ITPR1: variants seen among roughly 807,000 people sequenced by gnomAD.
ITPR1 encodes the protein inositol 1,4,5-trisphosphate receptor type 1, also known as inositol 1,4,5-trisphosphate-gated calcium channel ITPR1.
Under a neutral mutation model 318.4 loss-of-function variants are expected in ITPR1, and 96 were observed. That is an observed-to-expected ratio of 0.30 (90% CI 0.26 to 0.36). The LOEUF is 0.36. Ranked by LOEUF, ITPR1 falls within the 10% of genes least tolerant of loss-of-function variation. The pLI is 1.00. For synonymous variants in ITPR1, 1,312 were observed against 1,289.9 expected, an observed-to-expected ratio of 1.02 and a Z score of -0.37; for missense variants, 2,440 against 3,460.2, an observed-to-expected ratio of 0.71 and a Z score of 7.40.
chr3:4,523,719 C>T (rs750346023), intron 4 of ITPR1, among the ~76,000 whole-genome samples: 3 of 152,108 alleles, frequency 2.0e-5, no homozygotes, highest in Non-Finnish European at 1.5e-5. Flanking sequence ...TAATGTCCTC[C>T]GGGTTCATTC....
At chr3:4,518,720 G>T (rs1407758725) in intron 3 of ITPR1, among the ~76,000 whole-genome samples, 1 of 152,172 alleles carries the variant, frequency 6.6e-6, no homozygotes, top group African/African-American at 2.4e-5. Context: ...GGGCAAGTGT[G>T]TGTGTGTGCA....
chr3:4,596,603 T>G (rs1473453180), intron 4 of ITPR1, among the ~76,000 whole-genome samples: 1 of 152,214 alleles, frequency 6.6e-6, no homozygotes, highest in Non-Finnish European at 1.5e-5. Context: ...GTCACCTTTT[T>G]GGTTTGAGGT....
intron 51 of ITPR1, among the ~76,000 whole-genome samples, chr3:4,786,375 T>C (rs2047198489): frequency 6.6e-6 from 1 of 152,196 alleles, no homozygotes; most frequent in Non-Finnish European, 1.5e-5. Flanking sequence ...GAACCACTGG[T>C]CTAAAGACCA....
At chr3:4,537,877 G>A (rs6783234) in intron 4 of ITPR1, among the ~76,000 whole-genome samples, 32,273 of 152,066 alleles carry the variant, frequency 0.21, 4,259 homozygotes, top group African/African-American at 0.38. Flanking sequence ...GAATACAGTA[G>A]TAATTGTCCT....
At chr3:4,526,988 A>G (rs1432048146) in intron 4 of ITPR1, among the ~76,000 whole-genome samples, 1 of 152,236 alleles carries the variant, frequency 6.6e-6, no homozygotes, top group Non-Finnish European at 1.5e-5. Context: ...AACCTGGCCT[A>G]CTGGGGAAAA....
chr3:4,633,602 A>G (rs1444992085), intron 5 of ITPR1, among the ~76,000 whole-genome samples: 2 of 152,198 alleles, frequency 1.3e-5, no homozygotes, highest in Non-Finnish European at 2.9e-5. Context: ...GATACTGTCT[A>G]TGCTTTTTCC....
chr3:4,637,610 A>C (rs2093228455), intron 5 of ITPR1, among the ~76,000 whole-genome samples: 1 of 152,218 alleles, frequency 6.6e-6, no homozygotes, highest in African/African-American at 2.4e-5. Flanking sequence ...ACTAATTCCA[A>C]AAGAGAGAGA....
At chr3:4,805,272 C>A (rs1304360769) in intron 54 of ITPR1, among the ~76,000 whole-genome samples, 1 of 152,154 alleles carries the variant, frequency 6.6e-6, no homozygotes, top group African/African-American at 2.4e-5. Flanking sequence ...GTGGTGCCTT[C>A]AGTGTTGGTA....
intron 20 of ITPR1, 60 bp from the exon 21 acceptor site, chr3:4,673,076 C>A (rs1044600424): frequency 4.5e-6 from 7 of 1,550,210 alleles, no homozygotes; most frequent in South Asian, 1.2e-5. Flanking sequence ...CCAGACGACC[C>A]TTCATTCATC....
chr3:4,554,311 G>C (rs562934276), intron 4 of ITPR1, among the ~76,000 whole-genome samples: 1 of 152,236 alleles, frequency 6.6e-6, no homozygotes, highest in Non-Finnish European at 1.5e-5. Context: ...AATGAGTACA[G>C]TGTTTGGCAC....
intron 34 of ITPR1, among the ~76,000 whole-genome samples, chr3:4,699,356 C>T (rs2094606777): frequency 8.3e-6 from 1 of 120,960 alleles, no homozygotes; most frequent in Non-Finnish European, 2.1e-5. Context: ...GACTCTATCT[C>T]AAAACAAAAA....
intron 4 of ITPR1, among the ~76,000 whole-genome samples, chr3:4,626,850 G>C (rs2092843907): frequency 1.3e-5 from 2 of 152,144 alleles, no homozygotes. Flanking sequence ...ACAGAATCTT[G>C]TTCTGCCGCC....
At chr3:4,758,542 T>A (rs2045190804) in intron 44 of ITPR1, among the ~76,000 whole-genome samples, 1 of 152,212 alleles carries the variant, frequency 6.6e-6, no homozygotes, top group African/African-American at 2.4e-5. Flanking sequence ...TCTTTTCCCC[T>A]GAACTTCCTG....
intron 2 of ITPR1, among the ~76,000 whole-genome samples, chr3:4,503,018 G>A (rs987416303): frequency 2.0e-5 from 3 of 152,048 alleles, no homozygotes; most frequent in African/African-American, 7.2e-5. Context: ...TCAGGAGGTG[G>A]AGGTTGCAGT....
At position 4,826,632 on chromosome 3, in the gene ITPR1, T is replaced by C. The variant is rs2050095455; in HGVS notation, c.8028+8390T>C. On this transcript the variant is annotated intron_variant, in intron 60 of 61. Transcript: ENST00000649015. The surrounding 1 kb of genome is among the most constrained non-coding windows in gnomAD (Gnocchi z 4.2). ...CAGCTGCACAAAGCAGTTGCTGAGC[T>C]TAAGTTTCCCCACCCAGCCTTAGAA... is the stretch of plus-strand genomic sequence containing the variant. 6.6e-6 allele frequency among the ~76,000 whole-genome samples: 1 copy of C among 152,192 alleles called. No individual in the cohort carries two copies. Among genetic ancestry groups the C allele is most frequent in the East Asian group, 1.9e-4 (1 of 5,198 alleles).
chr3:4,839,208 T>G (rs2106548550), intron 61 of ITPR1, among the ~76,000 whole-genome samples: 1 of 152,208 alleles, frequency 6.6e-6, no homozygotes, highest in Middle Eastern at 3.4e-3. Flanking sequence ...ATGCCTGTGA[T>G]CACAGCTACT....
At chr3:4,634,932 G>A (rs953671233) in intron 5 of ITPR1, among the ~76,000 whole-genome samples, 1 of 152,170 alleles carries the variant, frequency 6.6e-6, no homozygotes, top group Admixed American at 6.5e-5. Context: ...TAGTAGAAAC[G>A]GGGTTTGGCC....
chr3:4,515,040 A>C (rs1338007693), intron 2 of ITPR1, among the ~76,000 whole-genome samples: 1 of 152,158 alleles, frequency 6.6e-6, no homozygotes, highest in Non-Finnish European at 1.5e-5. Context: ...CTGTGTTCTC[A>C]GTTGCTGTCT....
At chr3:4,626,858 G>A (rs1020511971) in intron 4 of ITPR1, among the ~76,000 whole-genome samples, 5 of 152,170 alleles carry the variant, frequency 3.3e-5, no homozygotes, top group African/African-American at 7.2e-5. Context: ...TTGTTCTGCC[G>A]CCCAAACTGG....
Sources: gnomAD v4.1 joint callset for allele counts (sites outside exome capture counted in the v4.1 genomes callset) on GRCh38, gnomAD v4.1.1 for gene constraint, Gnocchi (gnomAD v3.1) non-coding constraint, MANE v1.5 for transcripts, NCBI Gene and HGNC (gene_info 2026-07-23, HGNC 2026-07-21) for gene names.